AKAP12: variants seen among roughly 807,000 people sequenced by gnomAD.
AKAP12 encodes A-kinase anchoring protein 12.
Under a neutral mutation model 79.9 loss-of-function variants are expected in AKAP12, and 32 were observed. The observed-to-expected ratio is 0.40, with a 90% CI of 0.30 to 0.54. The LOEUF (loss-of-function observed/expected upper bound fraction) is 0.54. Among genes scored for constraint, AKAP12 ranks in the 20% least tolerant of loss-of-function variants. The probability of loss-of-function intolerance (pLI) is 0.48; values close to 1 mark genes in which losing one functional copy is unlikely to be tolerated. For synonymous variants in AKAP12, 808 were observed against 857.0 expected, an observed-to-expected ratio of 0.94 and a Z score of 1.00; for missense variants, 2,074 against 2,177.0, an observed-to-expected ratio of 0.95 and a Z score of 0.94.
chr6:151,349,486 C>T lies in AKAP12; in HGVS notation c.1095C>T (p.Ala365=). The change falls in exon 4 of 5, where the codon GCC becomes GCT. Residue 365 remains alanine (A), a synonymous_variant. Coordinates refer to ENST00000402676, the MANE Select transcript of AKAP12 (RefSeq NM_005100.4). ...ACCCACAGGAGCCGGCAGAAAGTGCCCACGAGCCCCGGTTATCAGCTGAAT... is the reference window on the plus strand; with the variant it reads ...ACCCACAGGAGCCGGCAGAAAGTGCTCACGAGCCCCGGTTATCAGCTGAAT... ...QAHPQEPAES[A]HEPRLSAEYE... is the part of the protein sequence containing the mutation. The T allele has an allele frequency of 6.2e-7, 1 of 1,607,186 alleles. No homozygotes were observed.
At chr6:151,271,860 A>G (rs914093454) in intron 2 of AKAP12, among the ~76,000 whole-genome samples, 1 of 151,228 alleles carries the variant, frequency 6.6e-6, no homozygotes, top group Non-Finnish European at 1.5e-5. Context: ...GGGTTTTACC[A>G]TGTTGGCCAG....
rs1031218675 is a variant in AKAP12, at chr6:151,259,010, G to GTA, written c.162+18298_162+18299dup. ...ATAATGTATCTATATATGTGTGTGT[G>GTA]TATATATATATATTTATACAAAATA... On this transcript the variant is annotated intron_variant, in intron 2 of 4. Transcript: ENST00000402676. Among the ~76,000 whole-genome samples, 221 of 148,966 alleles carry GTA rather than the reference G, an allele frequency of 1.5e-3. 2 individuals are homozygous for GTA. Among genetic ancestry groups the GTA allele is most frequent in the African/African-American group, 4.1e-3 (168 of 40,556 alleles).
chr6:151,261,552 T>C (rs1254979884), intron 2 of AKAP12, among the ~76,000 whole-genome samples: 3 of 150,864 alleles, frequency 2.0e-5, no homozygotes, highest in Non-Finnish European at 2.9e-5. Context: ...AATACAAAAA[T>C]TAGCCGAGCA....
intron 3 of AKAP12, chr6:151,341,717 C>T (rs1777954318): frequency 5.5e-6 from 7 of 1,263,366 alleles, no homozygotes; most frequent in Non-Finnish European, 7.2e-6. Context: ...AGCGGCAGTT[C>T]GCCCCGCAGC....
intron 2 of AKAP12, among the ~76,000 whole-genome samples, chr6:151,245,258 A>G (rs1014038616): frequency 6.6e-6 from 1 of 152,110 alleles, no homozygotes; most frequent in Non-Finnish European, 1.5e-5. Context: ...CGAAGTTAGA[A>G]ATTAGAATTT....
intron 3 of AKAP12, among the ~76,000 whole-genome samples, chr6:151,338,665 G>A (rs1777874970): frequency 6.6e-6 from 1 of 152,066 alleles, no homozygotes; most frequent in Non-Finnish European, 1.5e-5. Context: ...TGGCCAGGCT[G>A]GTCTCGAACT....
intron 3 of AKAP12, chr6:151,325,735 C>G (rs1169787023): frequency 6.4e-7 from 1 of 1,551,070 alleles, no homozygotes; most frequent in Non-Finnish European, 8.7e-7. Flanking sequence ...CCGGGAGTGT[C>G]TGGGCGCTCA....
At position 151,352,984 on chromosome 6, in the gene AKAP12, G is replaced by T. The variant is rs1333099007; in HGVS notation, c.4593G>T (p.Glu1531Asp). 1.2e-6 allele frequency: 2 copies of T among 1,613,634 alleles called. No individual in the cohort carries two copies. The highest frequency in any genetic ancestry group is 2.7e-5 in the African/African-American group (2 of 74,776). ...AGGTCAAAGTGAGTGTAGCAATTGA[G>T]GATTTAGAGCCTGAAAATGGGATTT... ...CQEVKVSVAIEDLEPENGILE... is the reference protein window; with the variant it reads ...CQEVKVSVAIDDLEPENGILE... The change falls in exon 4 of 5, where the codon GAG (glutamate) becomes GAT (aspartate). Residue 1531 changes from glutamate (E) to aspartate (D), a missense_variant. By Grantham distance (45) the Glu-to-Asp change is conservative. Transcript: ENST00000402676.
At chr6:151,256,111 T>C (rs1033186943) in intron 2 of AKAP12, among the ~76,000 whole-genome samples, 1 of 152,064 alleles carries the variant, frequency 6.6e-6, no homozygotes, top group Non-Finnish European at 1.5e-5. Flanking sequence ...CTTTGCAGAA[T>C]GGAGATGCAC....
At chr6:151,290,851 C>T (rs1776603891) in intron 2 of AKAP12, among the ~76,000 whole-genome samples, 1 of 152,150 alleles carries the variant, frequency 6.6e-6, no homozygotes, top group Non-Finnish European at 1.5e-5. Flanking sequence ...CTCAGATGAT[C>T]CGCCCGCCTC....
chr6:151,332,199 G>T (rs552957074), intron 3 of AKAP12, among the ~76,000 whole-genome samples: 1 of 151,894 alleles, frequency 6.6e-6, no homozygotes, highest in African/African-American at 2.4e-5. Context: ...ACCACATCTG[G>T]CTAAATTTTT....
chr6:151,344,214 C>A (rs1413253273), intron 3 of AKAP12, among the ~76,000 whole-genome samples: 1 of 152,064 alleles, frequency 6.6e-6, no homozygotes, highest in Non-Finnish European at 1.5e-5. Flanking sequence ...AGAGGTAAAA[C>A]TAAAATGTTT....
At chr6:151,261,302 C>T (rs1452516621) in intron 2 of AKAP12, among the ~76,000 whole-genome samples, 1 of 150,976 alleles carries the variant, frequency 6.6e-6, no homozygotes, top group Non-Finnish European at 1.5e-5. Context: ...AACCGGGAGG[C>T]AGAGGTTGCA....
intron 2 of AKAP12, among the ~76,000 whole-genome samples, chr6:151,281,588 T>C (rs1776408719): frequency 6.6e-6 from 1 of 152,346 alleles, no homozygotes; most frequent in East Asian, 1.9e-4. Context: ...CAACCCATTG[T>C]ATTTTGATGA....
At chr6:151,318,345 G>T (rs1280931523) in intron 3 of AKAP12, among the ~76,000 whole-genome samples, 2 of 152,170 alleles carry the variant, frequency 1.3e-5, no homozygotes, top group Non-Finnish European at 2.9e-5. Flanking sequence ...AAATGGACTA[G>T]GACAATGAAC....
At chr6:151,293,471 A>G (rs1158396256) in intron 2 of AKAP12, among the ~76,000 whole-genome samples, 2 of 152,232 alleles carry the variant, frequency 1.3e-5, no homozygotes, top group African/African-American at 4.8e-5. Context: ...TGGAGGTCCA[A>G]GAAGTCAAGA....
At chr6:151,345,318 G>A (rs1402906840) in intron 3 of AKAP12, among the ~76,000 whole-genome samples, 1 of 150,744 alleles carries the variant, frequency 6.6e-6, no homozygotes, top group Non-Finnish European at 1.5e-5. Flanking sequence ...CTTGTGATCC[G>A]CCCGCCTCAG....
Position 151,353,276 on chromosome 6 carries a change from G to C in AKAP12, c.4885G>C (p.Asp1629His). 1 of 1,614,148 alleles carries C rather than the reference G, an allele frequency of 6.2e-7. No homozygotes were observed. Among genetic ancestry groups the C allele is most frequent in the East Asian group, 2.2e-5 (1 of 44,892 alleles). Reference protein sequence around the residue: ...ESTAVGQAHSDISKDMSEASE... With the variant: ...ESTAVGQAHSHISKDMSEASE... Reference sequence around the variant, plus strand: ...AACCGCAGTGGGACAAGCACATTCTGATATTTCCAAAGACATGAGTGAAGC... The same window carrying C: ...AACCGCAGTGGGACAAGCACATTCTCATATTTCCAAAGACATGAGTGAAGC... Residue 1629 changes from aspartate (D) to histidine (H), a missense_variant, in exon 4 of 5, where the codon GAT becomes CAT. By Grantham distance (81) the Asp-to-His change is moderately conservative. Around this residue, in one of 3 missense-constraint regions of AKAP12, gnomAD observed 614 missense variants for 665.6 expected, o/e 0.92. Transcript: ENST00000402676.
intron 2 of AKAP12, among the ~76,000 whole-genome samples, chr6:151,272,568 G>A (rs1176718198): frequency 1.3e-5 from 2 of 152,086 alleles, no homozygotes; most frequent in Non-Finnish European, 2.9e-5. Context: ...CTCCCAGGCT[G>A]GAGTGCAGTT....
Sources: gnomAD v4.1 joint callset for allele counts (sites outside exome capture counted in the v4.1 genomes callset) on GRCh38, gnomAD v4.1.1 for gene constraint, gnomAD v4.1.1 regional missense constraint, MANE v1.5 for transcripts, NCBI Gene and HGNC (gene_info 2026-07-23, HGNC 2026-07-21) for gene names.